The following FAM149A variants were observed in gnomAD, a reference collection of about 807,000 sequenced individuals.
The protein encoded by FAM149A is protein FAM149A.
Under a neutral mutation model 78.2 loss-of-function variants are expected in FAM149A, and 71 were observed. That is an observed-to-expected ratio of 0.91 (90% CI 0.75 to 1.11). The LOEUF is 1.11. Ranked by LOEUF, FAM149A falls within the 50% of genes least tolerant of loss-of-function variation. The probability of loss-of-function intolerance (pLI) is 0.00; values close to 1 mark genes in which losing one functional copy is unlikely to be tolerated. For missense variants in FAM149A, 1,036 were observed against 971.0 expected (o/e 1.07, Z -0.89); for synonymous variants, 446 against 410.5 (o/e 1.09, Z -1.04).
At chr4:186,150,888 A>ATT (rs1391390144) in intron 3 of FAM149A, 3 of 186,278 alleles carry the variant, frequency 1.6e-5, no homozygotes, top group East Asian at 3.8e-4. Flanking sequence ...TGCCCAGTTA[A>ATT]TTTTTGTATT....
intron 1 of FAM149A, chr4:186,123,144 G>A (rs965902526): frequency 2.5e-6 from 2 of 790,348 alleles, no homozygotes; most frequent in African/African-American, 3.7e-5. Context: ...TTCTGATGTG[G>A]AGTCCAGTGT....
intron 9 of FAM149A, among the ~76,000 whole-genome samples, 167 bp from the exon 10 acceptor site, chr4:186,163,257 T>C (rs959465481): frequency 3.9e-5 from 6 of 152,216 alleles, no homozygotes; most frequent in African/African-American, 1.2e-4. Flanking sequence ...TGATTCTTCA[T>C]TGAAACAGAA....
At chr4:186,160,518 TACAC>T (rs745605110) in intron 8 of FAM149A, among the ~76,000 whole-genome samples, 13 of 116,118 alleles carry the variant, frequency 1.1e-4, no homozygotes, top group Admixed American at 6.9e-4. Flanking sequence ...AATACACACA[TACAC>T]ACACACTACA....
intron 13 of FAM149A, 91 bp downstream of exon 13, chr4:186,167,353 G>A (rs754385260): frequency 5.6e-6 from 7 of 1,240,152 alleles, no homozygotes; most frequent in Admixed American, 3.4e-5. Flanking sequence ...ACCTTGATAA[G>A]CCTATTTTGC....
At position 186,164,507 on chromosome 4, in the gene FAM149A, C is replaced by T. The variant is rs955162412; in HGVS notation, c.1890-837C>T. 1.5e-5 allele frequency: 15 copies of T among 984,550 alleles called. No individual in the cohort carries two copies. The highest frequency in any genetic ancestry group is 1.7e-5 in the Non-Finnish European group (14 of 829,260). The allele number at this position is 984,550 out of a possible 1,614,324, so 61.0% of individuals were successfully genotyped here. ...ACTTTTTCCAGATGCAGTCATAACC[C>T]CCCTTTCAGCTTTTTAATTGGTGAC... On this transcript the variant is annotated intron_variant, in intron 10 of 13. Coordinates refer to ENST00000389354, the MANE Select transcript of FAM149A (RefSeq NM_001367768.3). The surrounding 1 kb of genome is among the most constrained non-coding windows in gnomAD (Gnocchi z 4.0).
intron 4 of FAM149A, 151 bp from the exon 5 acceptor site, chr4:186,153,494 C>A (rs1208107164): frequency 1.4e-6 from 2 of 1,467,912 alleles, no homozygotes; most frequent in Non-Finnish European, 1.8e-6. Flanking sequence ...CTCTCAAAGT[C>A]ACACTTCTGT....
In FAM149A at chr4:186,152,539, CTT is replaced by C. The variant is rs10718602; in HGVS notation, c.932+516_932+517del. Among the ~76,000 whole-genome samples, 803 of 88,214 alleles carry C rather than the reference CTT, an allele frequency of 9.1e-3. 2 individuals carry two copies. The highest frequency in any genetic ancestry group is 0.035 in the African/African-American group (728 of 20,952). The allele number at this position is 88,214 out of a possible 152,430, so 57.9% of individuals were successfully genotyped here. On this transcript the variant is annotated intron_variant, in intron 4 of 13. Coordinates refer to ENST00000389354, the MANE Select transcript of FAM149A (RefSeq NM_001367768.3). Reference sequence around the variant, plus strand: ...AAGGCAAGCTTTTCTTTTCTTTTTGCTTTTTTTTTTTTTTTTTTTTTTTGAGA... The same window carrying C: ...AAGGCAAGCTTTTCTTTTCTTTTTGCTTTTTTTTTTTTTTTTTTTTTGAGA...
Position 186,105,267 on chromosome 4 carries a change from C to T in FAM149A, c.191C>T (p.Ser64Phe). The T allele has an allele frequency of 8.3e-7, 1 of 1,202,928 alleles. No homozygotes were observed. The highest frequency in any genetic ancestry group is 1.0e-6 in the Non-Finnish European group (1 of 953,814). 74.5% of individuals were successfully genotyped at this position (1,202,928 alleles called of 1,614,324 possible). ...CGCGCCCTGGCTCCGGACTCCCCCT[C>T]CGCCTCGCGGCGGTCGCCCGCCCCG... The change falls in exon 1 of 14, where the codon TCC becomes TTC. Residue 64 changes from serine to phenylalanine, a missense_variant. By Grantham distance (155) the Ser-to-Phe change is radical. Around this residue, in one of 3 missense-constraint regions of FAM149A, gnomAD observed 316 missense variants for 241.9 expected, o/e 1.31. Transcript: ENST00000389354.
At chr4:186,158,434 C>T (rs945078579) in intron 8 of FAM149A, 12 of 1,158,296 alleles carry the variant, frequency 1.0e-5, no homozygotes, top group East Asian at 6.0e-5. Context: ...TCTGGGCATG[C>T]GTGACACCAT....
intron 8 of FAM149A, chr4:186,160,735 C>CCA (rs1554071407): frequency 2.1e-6 from 2 of 938,796 alleles, no homozygotes; most frequent in Non-Finnish European, 2.5e-6. Context: ...TCACCACACC[C>CCA]CACACACACC....
At chr4:186,160,754 C>T in intron 8 of FAM149A, 2 of 963,290 alleles carry the variant, frequency 2.1e-6, no homozygotes, top group Non-Finnish European at 2.5e-6. Context: ...CCACACCACA[C>T]CACACACACA....
At chr4:186,117,647 G>T (rs1715051) in intron 1 of FAM149A, 739,527 of 985,100 alleles carry the variant, frequency 0.75, 279,604 homozygotes, top group East Asian at 0.88. Context: ...GAGCACAGCT[G>T]TTGTGAAAAG....
chr4:186,108,222 G>A (rs757498965), intron 1 of FAM149A, among the ~76,000 whole-genome samples: 2 of 146,808 alleles, frequency 1.4e-5, no homozygotes, highest in Non-Finnish European at 3.0e-5. Flanking sequence ...AATGGGTAAT[G>A]TCAGAGAAAA....
intron 1 of FAM149A, among the ~76,000 whole-genome samples, chr4:186,117,132 C>G (rs1319381861): frequency 6.6e-6 from 1 of 152,076 alleles, no homozygotes; most frequent in Non-Finnish European, 1.5e-5. Context: ...ACAAACTTGT[C>G]CCTGTGGTGG....
chr4:186,105,073 A>C lies in FAM149A; in HGVS notation c.-4A>C. 1 of 1,270,824 alleles carries C rather than the reference A, an allele frequency of 7.9e-7. No individual in the cohort carries two copies. The highest frequency in any genetic ancestry group is 1.0e-6 in the Non-Finnish European group (1 of 980,780). The allele number at this position is 1,270,824 out of a possible 1,614,324, so 78.7% of individuals were successfully genotyped here. The stretch of plus-strand genomic sequence containing the variant: ...GGCGAGGACGGCGTGTCCACTGTCG[A>C]GGCATGAAGGCTGCTGTGCTGGACC... On this transcript the variant is annotated 5_prime_UTR_variant, in exon 1 of 14. Transcript: ENST00000389354.
At position 186,161,263 on chromosome 4, in the gene FAM149A, A is replaced by C. The variant is rs113332252; in HGVS notation, c.1576-1582A>C. On this transcript the variant is annotated intron_variant, in intron 8 of 13. Transcript: ENST00000389354. ...ACAGGTGTGATTCGTTAACATGAGA[A>C]AGGAAGGGAGGCTCTTCAAAGCAAA... Among the ~76,000 whole-genome samples the C allele has an allele frequency of 8.0e-3, 1,221 of 152,254 alleles. 19 individuals carry two copies. The highest frequency in any genetic ancestry group is 0.028 in the African/African-American group (1,152 of 41,536).
chr4:186,169,752 G>A (rs1409033996), intron 13 of FAM149A: 1 of 985,328 alleles, frequency 1.0e-6, no homozygotes, highest in African/African-American at 1.7e-5. Context: ...GGGGCGTCCA[G>A]AGGAGTTACA....
At chr4:186,105,695 C>T (rs2099308459) in intron 1 of FAM149A, 53 bp downstream of exon 1, 1 of 1,015,806 alleles carries the variant, frequency 9.8e-7, no homozygotes. Context: ...ACCCCCGACC[C>T]CTCCGCCTGC....
At chr4:186,149,744 T>C in intron 3 of FAM149A, 40 bp downstream of exon 3, 1 of 1,222,612 alleles carries the variant, frequency 8.2e-7, no homozygotes, top group Non-Finnish European at 1.0e-6. Flanking sequence ...GTAATTACAG[T>C]TTATAGTGAA....
Sources: gnomAD v4.1 joint callset for allele counts (sites outside exome capture counted in the v4.1 genomes callset) on GRCh38, gnomAD v4.1.1 for gene constraint, gnomAD v4.1.1 regional missense constraint, Gnocchi (gnomAD v3.1) non-coding constraint, MANE v1.5 for transcripts, NCBI Gene and HGNC (gene_info 2026-07-23, HGNC 2026-07-21) for gene names.